Variants in PCDH15 observed in about 807,000 individuals in gnomAD.
PCDH15 encodes the protein protocadherin related 15.
PCDH15 carries 129 observed loss-of-function variants against 178.5 expected under a neutral mutation model. The ratio of observed to expected loss-of-function variants is 0.72; its 90% confidence interval spans 0.63 to 0.84. The LOEUF (loss-of-function observed/expected upper bound fraction) is 0.84, where lower values mean the gene tolerates loss of function less well. Among genes scored for constraint, PCDH15 ranks in the 40% least tolerant of loss-of-function variants. The pLI is 0.00. For missense variants in PCDH15, 2,230 were observed against 2,099.9 expected, an observed-to-expected ratio of 1.06 and a Z score of -1.21; for synonymous variants, 800 against 732.0, an observed-to-expected ratio of 1.09 and a Z score of -1.50.
intron 1 of PCDH15, among the ~76,000 whole-genome samples, chr10:54,685,278 T>A (rs2094975436): frequency 6.6e-6 from 1 of 152,138 alleles, no homozygotes; most frequent in Non-Finnish European, 1.5e-5. Context: ...AATTTTTTTA[T>A]AAGGAGATGA....
At chr10:54,696,902 A>G (rs970394331) in intron 1 of PCDH15, among the ~76,000 whole-genome samples, 1 of 152,042 alleles carries the variant, frequency 6.6e-6, no homozygotes, top group African/African-American at 2.4e-5. Context: ...TTTTTCCCCA[A>G]CATCTCCCCT....
intron 18 of PCDH15, among the ~76,000 whole-genome samples, chr10:54,024,296 A>C (rs2093016712): frequency 6.6e-6 from 1 of 152,152 alleles, no homozygotes; most frequent in Admixed American, 6.6e-5. Flanking sequence ...AGAAACTGTA[A>C]AATATTATAT....
intron 2 of PCDH15, among the ~76,000 whole-genome samples, chr10:55,078,199 G>A (rs144076928): frequency 9.8e-4 from 149 of 152,280 alleles, no homozygotes; most frequent in African/African-American, 3.5e-3. Context: ...TCTTATGGGA[G>A]TGTTTTTGTA....
intron 2 of PCDH15, chr10:54,600,613 C>T (rs761314720): frequency 3.5e-6 from 2 of 579,474 alleles, no homozygotes; most frequent in Non-Finnish European, 6.7e-6. Flanking sequence ...GAGGAGAAAC[C>T]AGTGTCTACT....
intron 15 of PCDH15, among the ~76,000 whole-genome samples, chr10:54,124,004 G>C (rs572051116): frequency 6.6e-6 from 1 of 152,144 alleles, no homozygotes; most frequent in South Asian, 2.1e-4. Flanking sequence ...GTACTAGAGG[G>C]GGCTGGCTGA....
intron 15 of PCDH15, among the ~76,000 whole-genome samples, chr10:54,094,117 G>C (rs2136090771): frequency 6.6e-6 from 1 of 152,164 alleles, no homozygotes; most frequent in Non-Finnish European, 1.5e-5. Context: ...ATGCACTCAA[G>C]TACAAAATGA....
At chr10:55,218,275 C>T (rs1194210427) in intron 1 of PCDH15, among the ~76,000 whole-genome samples, 1 of 151,958 alleles carries the variant, frequency 6.6e-6, no homozygotes, top group African/African-American at 2.4e-5. Context: ...TCCTCCACAC[C>T]ACATTTCCTC....
At chr10:54,552,088 A>G (rs1398500272) in intron 2 of PCDH15, among the ~76,000 whole-genome samples, 1 of 152,148 alleles carries the variant, frequency 6.6e-6, no homozygotes, top group Non-Finnish European at 1.5e-5. Flanking sequence ...ACCTATAATT[A>G]TCTCTCCATG....
chr10:54,849,447 C>A (rs760642349), intron 3 of PCDH15, among the ~76,000 whole-genome samples: 1 of 152,266 alleles, frequency 6.6e-6, no homozygotes, highest in Non-Finnish European at 1.5e-5. Context: ...TAATTTAGGC[C>A]ATTTTTCATA....
chr10:54,464,931 A>G (rs912585654), intron 3 of PCDH15, among the ~76,000 whole-genome samples: 3 of 152,194 alleles, frequency 2.0e-5, no homozygotes, highest in Admixed American at 6.5e-5. Context: ...GATTGAGGTT[A>G]TGATACAAGG....
chr10:54,506,175 G>A (rs9787651), intron 3 of PCDH15, among the ~76,000 whole-genome samples: 32,269 of 151,774 alleles, frequency 0.21, 4,120 homozygotes, highest in Admixed American at 0.35. Context: ...AAATTTTTGC[G>A]TGGAAAATAT....
intron 2 of PCDH15, among the ~76,000 whole-genome samples, chr10:54,626,016 T>C (rs2093537099): frequency 6.6e-6 from 1 of 152,192 alleles, no homozygotes; most frequent in Non-Finnish European, 1.5e-5. Flanking sequence ...ACTTCTGTTA[T>C]GTTTTAGCAA....
rs185801263 is a variant in PCDH15 at position 55,307,636 on chromosome 10, A to G, written c.-156+11963T>C. On this transcript the variant is annotated intron_variant, in intron 1 of 5. Coordinates refer to the PCDH15 transcript ENST00000458638. ...TTCTTCTCTCTCTCTCTGCCTCTCT[A>G]TTTTTTTCTTTTTCCTTATTGTTAT... is the stretch of plus-strand genomic sequence containing the variant. 5.5e-3 allele frequency among the ~76,000 whole-genome samples: 832 copies of G among 150,276 alleles called. 5 individuals carry two copies. The highest frequency in any genetic ancestry group is 0.019 in the African/African-American group (774 of 40,782).
intron 28 of PCDH15, among the ~76,000 whole-genome samples, chr10:53,854,798 CTA>C (rs995847739): frequency 2.0e-5 from 3 of 151,984 alleles, no homozygotes; most frequent in African/African-American, 7.2e-5. Context: ...CAAAATAATT[CTA>C]TATGTTTTAT....
intron 2 of PCDH15, among the ~76,000 whole-genome samples, chr10:55,368,750 T>C (rs898049795): frequency 9.9e-5 from 15 of 152,064 alleles, no homozygotes; most frequent in African/African-American, 3.4e-4. Context: ...TTGCTACGAA[T>C]AACTCCTAAG....
chr10:55,352,749 T>G (rs181827259), intron 2 of PCDH15, among the ~76,000 whole-genome samples: 1 of 152,194 alleles, frequency 6.6e-6, no homozygotes, highest in East Asian at 1.9e-4. Context: ...AAAAAGTGGA[T>G]TTTATATGAC....
At chr10:54,285,696 G>C (rs1413097431) in intron 8 of PCDH15, among the ~76,000 whole-genome samples, 1 of 152,116 alleles carries the variant, frequency 6.6e-6, no homozygotes, top group East Asian at 1.9e-4. Flanking sequence ...ACTACCATAT[G>C]ATCCAGTCAT....
At chr10:55,458,007 C>T (rs1249914805) in intron 2 of PCDH15, among the ~76,000 whole-genome samples, 3 of 151,896 alleles carry the variant, frequency 2.0e-5, no homozygotes, top group African/African-American at 2.4e-5. Flanking sequence ...CATAAGGAAT[C>T]ATTGCACATG....
intron 26 of PCDH15, among the ~76,000 whole-genome samples, chr10:53,902,229 T>C (rs1246404566): frequency 6.6e-6 from 1 of 152,102 alleles, no homozygotes; most frequent in Non-Finnish European, 1.5e-5. Flanking sequence ...AGGTCAGGGG[T>C]CTGTACTTAG....
Sources: gnomAD v4.1 joint callset for allele counts (sites outside exome capture counted in the v4.1 genomes callset) on GRCh38, gnomAD v4.1.1 for gene constraint, MANE v1.5 for transcripts, NCBI Gene and HGNC (gene_info 2026-07-23, HGNC 2026-07-21) for gene names.